MICU3: variants seen among roughly 807,000 people sequenced by gnomAD.
MICU3 encodes calcium uptake protein 3, mitochondrial.
Under a neutral mutation model 66.5 loss-of-function variants are expected in MICU3, and 62 were observed. That is an observed-to-expected ratio of 0.93 (90% confidence interval 0.76 to 1.15). MICU3 has a LOEUF of 1.15. Among genes scored for constraint, MICU3 ranks in the 50% most tolerant of loss-of-function variants. The pLI is 0.00. For synonymous variants in MICU3, 308 were observed against 240.7 expected (o/e 1.28, Z -2.59); for missense variants, 779 against 664.4 (o/e 1.17, Z -1.90).
downstream of MICU3, among the ~76,000 whole-genome samples, chr8:17,123,632 A>G (rs925006280): frequency 3.9e-5 from 6 of 152,172 alleles, no homozygotes; most frequent in South Asian, 1.2e-3. Flanking sequence ...TTTGGAGGGC[A>G]ATAGAGAAAT....
chr8:17,077,961 C>A, intron 4 of MICU3, 100 bp downstream of exon 4: 1 of 654,868 alleles, frequency 1.5e-6, no homozygotes, highest in Non-Finnish European at 2.5e-6. Flanking sequence ...TAAATTACAT[C>A]TATGTGTATG....
chr8:17,039,738 T>C (rs752152518), intron 1 of MICU3, among the ~76,000 whole-genome samples: 6 of 151,804 alleles, frequency 4.0e-5, no homozygotes, highest in Non-Finnish European at 7.4e-5. Flanking sequence ...TGCTATTTTC[T>C]ACCCAAAGAT....
At chr8:17,081,297 T>G (rs116991617) in intron 4 of MICU3, among the ~76,000 whole-genome samples, 5,902 of 152,208 alleles carry the variant, frequency 0.039, 161 homozygotes, top group Non-Finnish European at 0.057. Flanking sequence ...ATTAAGCACT[T>G]TACAGTGTTA....
intron 9 of MICU3, among the ~76,000 whole-genome samples, chr8:17,100,207 G>A (rs1239423788): frequency 6.7e-6 from 1 of 149,772 alleles, no homozygotes; most frequent in Non-Finnish European, 1.5e-5. Flanking sequence ...TTACAAATCA[G>A]CCTTTTTTTT....
At chr8:17,127,422 C>G (rs549842697), downstream of MICU3, among the ~76,000 whole-genome samples, 1 of 151,974 alleles carries the variant, frequency 6.6e-6, no homozygotes, top group Non-Finnish European at 1.5e-5. Flanking sequence ...GATGTCAAGA[C>G]GTATTGCAAA....
At chr8:17,115,431 G>T (rs1054010097) in intron 12 of MICU3, among the ~76,000 whole-genome samples, 3 of 152,154 alleles carry the variant, frequency 2.0e-5, no homozygotes, top group Non-Finnish European at 4.4e-5. Flanking sequence ...AACGTGCAAA[G>T]AAACAAATCA....
At chr8:17,084,887 T>C (rs887137469) in intron 5 of MICU3, among the ~76,000 whole-genome samples, 14 of 152,100 alleles carry the variant, frequency 9.2e-5, no homozygotes, top group African/African-American at 3.4e-4. Context: ...ATGTTTTTTT[T>C]CTGCCAATCT....
At chr8:17,114,296 C>G (rs1802485720) in intron 12 of MICU3, 95 bp downstream of exon 12, 2 of 711,184 alleles carry the variant, frequency 2.8e-6, no homozygotes, top group Admixed American at 2.6e-5. Flanking sequence ...ACATATCACC[C>G]ATCAACTTGT....
intron 1 of MICU3, among the ~76,000 whole-genome samples, chr8:17,045,333 C>T (rs554813312): frequency 9.5e-4 from 145 of 152,312 alleles, no homozygotes; most frequent in Non-Finnish European, 1.5e-3. Context: ...ATAAGACTTT[C>T]ATTCCAGGGA....
chr8:17,130,382 G>A, the MICU3 span, among the ~76,000 whole-genome samples: 5 of 152,022 alleles, frequency 3.3e-5, no homozygotes, highest in African/African-American at 1.2e-4. Context: ...AATTAGCCGG[G>A]CGTGGTGGCG....
intron 1 of MICU3, among the ~76,000 whole-genome samples, chr8:17,031,881 A>C (rs1023694214): frequency 2.0e-5 from 3 of 152,152 alleles, no homozygotes; most frequent in Non-Finnish European, 4.4e-5. Flanking sequence ...TTGTTGAAAT[A>C]TCTCTCTCTA....
intron 6 of MICU3, among the ~76,000 whole-genome samples, chr8:17,085,683 T>A (rs998640983): frequency 3.3e-5 from 5 of 152,060 alleles, no homozygotes; most frequent in African/African-American, 1.2e-4. Context: ...GAACTTCTCT[T>A]CCTTCTCAAT....
intron 8 of MICU3, among the ~76,000 whole-genome samples, chr8:17,091,345 C>T (rs1800031775): frequency 6.6e-6 from 1 of 151,992 alleles, no homozygotes; most frequent in African/African-American, 2.4e-5. Context: ...ACTTAATTTC[C>T]CCAAGGATCC....
intron 12 of MICU3, among the ~76,000 whole-genome samples, chr8:17,115,361 C>G (rs949526205): frequency 6.6e-6 from 1 of 152,074 alleles, no homozygotes; most frequent in Non-Finnish European, 1.5e-5. Context: ...GTTTTAAAGC[C>G]AAAACCTTTG....
At chr8:17,090,685 T>C in intron 8 of MICU3, 101 bp downstream of exon 8, 3 of 892,602 alleles carry the variant, frequency 3.4e-6, no homozygotes, top group Non-Finnish European at 4.9e-6. Flanking sequence ...TGTTTACTAA[T>C]AGAATGTTTT....
rs190630937 is a variant in MICU3 at position 17,032,182 on chromosome 8, T to C, written c.381+4522T>C. On this transcript the variant is annotated intron_variant, in intron 1 of 14. Coordinates refer to ENST00000318063, the MANE Select transcript of MICU3 (RefSeq NM_181723.3). ...TTCAGTAAAGGTCAAAATTCCAGGCTTTGGGAGATCAGATCACGTGGCACT... is the reference window on the plus strand; with the variant it reads ...TTCAGTAAAGGTCAAAATTCCAGGCCTTGGGAGATCAGATCACGTGGCACT... Among the ~76,000 whole-genome samples, 3 of 152,368 alleles carry C rather than the reference T, an allele frequency of 2.0e-5. No homozygotes were observed. In the East Asian group the frequency reaches 5.8e-4, roughly 29 times the overall value.
At chr8:17,111,469 A>G (rs537601641) in intron 11 of MICU3, among the ~76,000 whole-genome samples, 122 of 152,196 alleles carry the variant, frequency 8.0e-4, no homozygotes, top group African/African-American at 2.8e-3. Context: ...GTACAGTCCC[A>G]TGCTACCACA....
chr8:17,136,489 G>T, the MICU3 span, among the ~76,000 whole-genome samples: 1 of 152,014 alleles, frequency 6.6e-6, no homozygotes, highest in Non-Finnish European at 1.5e-5. Flanking sequence ...TCACCCTTTT[G>T]AAATTCTTAA....
the MICU3 span, among the ~76,000 whole-genome samples, chr8:17,137,878 A>G: frequency 6.6e-6 from 1 of 151,664 alleles, no homozygotes; most frequent in South Asian, 2.1e-4. Context: ...CACCACGCCC[A>G]GCTAAATTTT....
Sources: allele counts gnomAD v4.1 joint callset (sites outside exome capture counted in the v4.1 genomes callset), GRCh38; gene constraint gnomAD v4.1.1; transcripts MANE v1.5; gene names NCBI Gene and HGNC (gene_info 2026-07-23, HGNC 2026-07-21).